GUCY1A1: variants seen among roughly 807,000 people sequenced by gnomAD.
GUCY1A1 encodes guanylate cyclase soluble subunit alpha-1.
Under a neutral mutation model 64.5 loss-of-function variants are expected in GUCY1A1, and 48 were observed. The ratio of observed to expected loss-of-function variants is 0.74; its 90% confidence interval spans 0.59 to 0.95. The LOEUF is 0.95. Among genes scored for constraint, GUCY1A1 ranks in the 40% least tolerant of loss-of-function variants. The pLI is 0.00. For synonymous variants in GUCY1A1, 308 were observed against 303.4 expected (o/e 1.02, Z -0.16); for missense variants, 804 against 825.3 (o/e 0.97, Z 0.32).
At chr4:155,702,804 T>G (rs1731262522) in intron 3 of GUCY1A1, among the ~76,000 whole-genome samples, 1 of 152,098 alleles carries the variant, frequency 6.6e-6, no homozygotes, top group Non-Finnish European at 1.5e-5. Flanking sequence ...AAACAGAACC[T>G]TGATCTATTT....
intron 5 of GUCY1A1, among the ~76,000 whole-genome samples, chr4:155,710,308 C>T (rs1409248090): frequency 6.6e-6 from 1 of 152,086 alleles, no homozygotes; most frequent in African/African-American, 2.4e-5. Context: ...TTATACTCAA[C>T]CGGTCATTCT....
At chr4:155,683,175 T>A (rs1378705339) in intron 2 of GUCY1A1, among the ~76,000 whole-genome samples, 2 of 152,094 alleles carry the variant, frequency 1.3e-5, no homozygotes, top group Non-Finnish European at 2.9e-5. Flanking sequence ...TGGAAATGCA[T>A]AAACTCTATG....
At chr4:155,689,273 G>GA (rs2126678068) in intron 2 of GUCY1A1, among the ~76,000 whole-genome samples, 1 of 152,006 alleles carries the variant, frequency 6.6e-6, no homozygotes, top group South Asian at 2.1e-4. Flanking sequence ...CTAAGCCTCT[G>GA]CAAGGAACTA....
chr4:155,683,046 T>A (rs1043546745), intron 2 of GUCY1A1, among the ~76,000 whole-genome samples: 5 of 152,176 alleles, frequency 3.3e-5, no homozygotes, highest in Admixed American at 6.5e-5. Flanking sequence ...GTGTTTCTGA[T>A]AAGGCAGTCA....
At chr4:155,703,196 A>G (rs1179714899) in intron 3 of GUCY1A1, among the ~76,000 whole-genome samples, 1 of 152,178 alleles carries the variant, frequency 6.6e-6, no homozygotes, top group Non-Finnish European at 1.5e-5. Context: ...ATGTCTTGCA[A>G]AATAAGGAAA....
chr4:155,675,529 T>A lies in GUCY1A1; in HGVS notation c.-113+8110T>A, dbSNP rs1055296941. ...AAACGTCTTTGGGTAAAATTCTATT[T>A]CTTTTAATGTTTTAAAATATTTGTA... On this transcript the variant is annotated intron_variant, in intron 2 of 9. Transcript: ENST00000506455. Among the ~76,000 whole-genome samples the A allele has an allele frequency of 1.3e-5, 2 of 151,666 alleles. 1 individual carries two copies. The highest frequency in any genetic ancestry group is 4.9e-5 in the African/African-American group (2 of 40,902).
At chr4:155,727,827 T>G (rs934020967) in intron 9 of GUCY1A1, among the ~76,000 whole-genome samples, 1 of 151,774 alleles carries the variant, frequency 6.6e-6, no homozygotes, top group African/African-American at 2.4e-5. Flanking sequence ...TAGAAACTCT[T>G]ACATGGTCCC....
chr4:155,696,964 G>C lies in GUCY1A1; in HGVS notation c.97G>C (p.Ala33Pro), dbSNP rs772834968. 2 of 1,613,396 alleles carry C rather than the reference G, an allele frequency of 1.2e-6. No individual in the cohort carries two copies. The highest frequency in any genetic ancestry group is 4.5e-5 in the East Asian group (2 of 44,880). Reference protein sequence around the residue: ...GQVPNESSEEAAGSSESCKAT... With the variant: ...GQVPNESSEEPAGSSESCKAT... ...AGTTCCTAACGAGTCTTCAGAGGAGGCAGCAGGAAGCTCAGAGAGCTGCAA... is the reference window on the plus strand; with the variant it reads ...AGTTCCTAACGAGTCTTCAGAGGAGCCAGCAGGAAGCTCAGAGAGCTGCAA... The change falls in exon 3 of 10, where the codon GCA (alanine) becomes CCA (proline). Residue 33 changes from alanine to proline, a missense_variant. Ala to Pro is a conservative substitution (Grantham distance 27). Transcript: ENST00000506455.
intron 2 of GUCY1A1, among the ~76,000 whole-genome samples, chr4:155,683,623 T>C (rs1015744211): frequency 2.6e-5 from 4 of 152,166 alleles, no homozygotes; most frequent in South Asian, 2.1e-4. Context: ...GACTAAAAGA[T>C]AGTTTCTCAA....
At chr4:155,699,911 C>T (rs1579058940) in intron 3 of GUCY1A1, among the ~76,000 whole-genome samples, 2 of 152,028 alleles carry the variant, frequency 1.3e-5, no homozygotes, top group South Asian at 2.1e-4. Flanking sequence ...TGAGAGAGGT[C>T]GTTCTCAAGT....
intron 7 of GUCY1A1, among the ~76,000 whole-genome samples, chr4:155,716,329 G>T (rs1415813054): frequency 1.3e-5 from 2 of 151,992 alleles, no homozygotes; most frequent in African/African-American, 4.8e-5. Flanking sequence ...GAATAATAGG[G>T]TCTTATAGTT....
At chr4:155,671,713 G>A (rs904176254) in intron 2 of GUCY1A1, among the ~76,000 whole-genome samples, 15 of 152,078 alleles carry the variant, frequency 9.9e-5, no homozygotes, top group African/African-American at 2.9e-4. Context: ...TTCAGCTATC[G>A]AATTTGTCTC....
intron 9 of GUCY1A1, 54 bp downstream of exon 9, chr4:155,722,246 C>G (rs1360776816): frequency 2.6e-6 from 4 of 1,566,986 alleles, no homozygotes; most frequent in Middle Eastern, 2.0e-4. Context: ...TATACAATTG[C>G]CATTTGCCCC....
At chr4:155,708,412 T>C (rs1263828918) in intron 5 of GUCY1A1, 118 bp downstream of exon 5, 3 of 599,428 alleles carry the variant, frequency 5.0e-6, no homozygotes, top group Non-Finnish European at 9.2e-6. Context: ...TTCAATATTA[T>C]GTATTCTGTT....
chr4:155,670,087 T>A (rs1266864585), intron 2 of GUCY1A1, among the ~76,000 whole-genome samples: 1 of 152,220 alleles, frequency 6.6e-6, no homozygotes. Context: ...AAGCTGTTAC[T>A]GAGAATGACT....
intron 7 of GUCY1A1, among the ~76,000 whole-genome samples, chr4:155,715,378 G>GT (rs1285587618): frequency 6.6e-6 from 1 of 151,948 alleles, no homozygotes; most frequent in Non-Finnish European, 1.5e-5. Context: ...TCTTTCTTGG[G>GT]TTTTTGGCCA....
At chr4:155,721,578 T>C (rs3796583) in intron 8 of GUCY1A1, among the ~76,000 whole-genome samples, 27,477 of 152,106 alleles carry the variant, frequency 0.18, 2,597 homozygotes, top group South Asian at 0.24. Flanking sequence ...TGAGGTAAAA[T>C]GTCTAAAAGA....
At chr4:155,676,714 C>T (rs1020680827) in intron 2 of GUCY1A1, among the ~76,000 whole-genome samples, 8 of 151,600 alleles carry the variant, frequency 5.3e-5, no homozygotes, top group African/African-American at 1.7e-4. Flanking sequence ...TGCCTGACTG[C>T]AGCTTTATTC....
intron 2 of GUCY1A1, among the ~76,000 whole-genome samples, chr4:155,677,628 A>G (rs1306725512): frequency 1.3e-5 from 2 of 152,196 alleles, no homozygotes; most frequent in Non-Finnish European, 2.9e-5. Context: ...AGGTGGGCAG[A>G]TCACCTGAGG....
Sources: gnomAD v4.1 joint callset for allele counts (sites outside exome capture counted in the v4.1 genomes callset) on GRCh38, gnomAD v4.1.1 for gene constraint, MANE v1.5 for transcripts, NCBI Gene and HGNC (gene_info 2026-07-23, HGNC 2026-07-21) for gene names.